The following NHERF1 variants were observed in gnomAD, a reference collection of about 807,000 sequenced individuals.
The protein encoded by NHERF1 is NHERF family PDZ scaffold protein 1.
At chr17:74,768,458 C>T in the NHERF1 span, 1 of 1,614,064 alleles carries the variant, frequency 6.2e-7, no homozygotes, top group Non-Finnish European at 8.5e-7. Context: ...GCCCCCACTT[C>T]TCTTTACAGC....
chr17:74,758,360 G>A, the NHERF1 span, among the ~76,000 whole-genome samples: 1 of 152,180 alleles, frequency 6.6e-6, no homozygotes, highest in Non-Finnish European at 1.5e-5. This position sits in a 1 kb window ranked among gnomAD's most constrained non-coding sequence, Gnocchi z 4.3. Flanking sequence ...AAGGGTGTGG[G>A]GGCAGCTCTC....
chr17:74,749,338 G>A, the NHERF1 span: 1 of 1,465,670 alleles, frequency 6.8e-7, no homozygotes, highest in Non-Finnish European at 9.1e-7. The surrounding 1 kb of genome is among the most constrained non-coding windows in gnomAD (Gnocchi z 5.6). Context: ...AGGAGGATCC[G>A]GAGAGACCCA....
chr17:74,761,202 C>G, the NHERF1 span, among the ~76,000 whole-genome samples: 1 of 152,218 alleles, frequency 6.6e-6, no homozygotes, highest in Non-Finnish European at 1.5e-5. This position sits in a 1 kb window ranked among gnomAD's most constrained non-coding sequence, Gnocchi z 4.3. Flanking sequence ...CAGGCCACAG[C>G]CACACTGGGC....
chr17:74,762,225 A>G, the NHERF1 span: 3 of 1,548,730 alleles, frequency 1.9e-6, no homozygotes, highest in South Asian at 1.1e-5. The surrounding 1 kb of genome is among the most constrained non-coding windows in gnomAD (Gnocchi z 4.2). Flanking sequence ...CCTGCAGATC[A>G]GCAGCACCTG....
chr17:74,750,662 C>T, the NHERF1 span, among the ~76,000 whole-genome samples: 2 of 151,770 alleles, frequency 1.3e-5, no homozygotes, highest in African/African-American at 4.8e-5. Context: ...CGATGATCTC[C>T]AGTCCCAGGC....
the NHERF1 span, among the ~76,000 whole-genome samples, chr17:74,756,742 G>A: frequency 1.3e-5 from 2 of 152,118 alleles, no homozygotes. Context: ...TTGAAGCTGG[G>A]TTTCCTTTTC....
At chr17:74,761,275 G>A in the NHERF1 span, among the ~76,000 whole-genome samples, 1 of 152,190 alleles carries the variant, frequency 6.6e-6, no homozygotes, top group African/African-American at 2.4e-5. The surrounding 1 kb of genome is among the most constrained non-coding windows in gnomAD (Gnocchi z 4.3). Flanking sequence ...TGTTTCTGGG[G>A]TCTCTGTGCT....
At chr17:74,763,737 T>C in the NHERF1 span, among the ~76,000 whole-genome samples, 775 of 152,254 alleles carry the variant, frequency 5.1e-3, 7 homozygotes, top group African/African-American at 0.017. Context: ...CGGCTTGTGA[T>C]GGGGTCAGCT....
the NHERF1 span, among the ~76,000 whole-genome samples, chr17:74,753,209 G>T: frequency 6.6e-6 from 1 of 152,238 alleles, no homozygotes; most frequent in Non-Finnish European, 1.5e-5. Context: ...GGCACTGCCT[G>T]CAGGGTTATT....
At chr17:74,748,828 T>C in the NHERF1 span, 4 of 1,579,900 alleles carry the variant, frequency 2.5e-6, no homozygotes, top group East Asian at 2.3e-5. The surrounding 1 kb of genome is among the most constrained non-coding windows in gnomAD (Gnocchi z 4.3). Context: ...GTCGCGCCGC[T>C]GACCCGTCGC....
chr17:74,767,933 G>A, the NHERF1 span: 2 of 672,282 alleles, frequency 3.0e-6, no homozygotes, highest in South Asian at 1.5e-5. Context: ...CATCCCTCCA[G>A]CCTGAGCAGT....
At chr17:74,768,086 C>CCCTCCTCAGGA in the NHERF1 span, 1 of 1,147,018 alleles carries the variant, frequency 8.7e-7, no homozygotes, top group Non-Finnish European at 1.3e-6. Context: ...GGAGCTCCCT[C>CCCTCCTCAGGA]CCTCCTCAGG....
At chr17:74,748,671 C>T in the NHERF1 span, 2 of 596,676 alleles carry the variant, frequency 3.4e-6, no homozygotes, top group Non-Finnish European at 5.8e-6. This position sits in a 1 kb window ranked among gnomAD's most constrained non-coding sequence, Gnocchi z 4.3. Context: ...CCTCTCTCGG[C>T]TCCTCGCGGC....
At chr17:74,750,722 C>CT in the NHERF1 span, among the ~76,000 whole-genome samples, 947 of 131,204 alleles carry the variant, frequency 7.2e-3, 9 homozygotes, top group Middle Eastern at 0.02. Context: ...ATTTGACATT[C>CT]TTTTTTTTTT....
At chr17:74,767,904 T>C in the NHERF1 span, 4 of 632,400 alleles carry the variant, frequency 6.3e-6, no homozygotes, top group Non-Finnish European at 1.2e-5. Context: ...GCTAATCCCA[T>C]GATGGTCTGT....
At chr17:74,749,794 G>T in the NHERF1 span, among the ~76,000 whole-genome samples, 2 of 152,204 alleles carry the variant, frequency 1.3e-5, no homozygotes, top group Admixed American at 1.3e-4. This position sits in a 1 kb window ranked among gnomAD's most constrained non-coding sequence, Gnocchi z 5.6. Flanking sequence ...GCGCGAGGAG[G>T]CCCTCTCCGC....
At chr17:74,762,060 T>TA in the NHERF1 span, 1 of 1,614,162 alleles carries the variant, frequency 6.2e-7, no homozygotes, top group Non-Finnish European at 8.5e-7. The surrounding 1 kb of genome is among the most constrained non-coding windows in gnomAD (Gnocchi z 4.2). Context: ...CCCCAGTGGC[T>TA]ATGGCTTCAA....
chr17:74,760,033 T>C, the NHERF1 span, among the ~76,000 whole-genome samples: 16 of 152,190 alleles, frequency 1.1e-4, no homozygotes, highest in Non-Finnish European at 2.2e-4. This position sits in a 1 kb window ranked among gnomAD's most constrained non-coding sequence, Gnocchi z 4.5. Flanking sequence ...CCCTCCCCAC[T>C]TTCTCAGGGT....
At chr17:74,768,031 G>A in the NHERF1 span, 2 of 807,872 alleles carry the variant, frequency 2.5e-6, no homozygotes, top group Admixed American at 1.7e-5. Context: ...GGGTGGCCAG[G>A]GCATCAGTGC....
Sources: gnomAD v4.1 joint callset for allele counts (sites outside exome capture counted in the v4.1 genomes callset) on GRCh38, gnomAD v4.1.1 for gene constraint, Gnocchi (gnomAD v3.1) non-coding constraint, MANE v1.5 for transcripts, NCBI Gene and HGNC (gene_info 2026-07-23, HGNC 2026-07-21) for gene names.